The following PTPRB variants were observed in gnomAD, a reference collection of about 807,000 sequenced individuals.
PTPRB encodes receptor-type tyrosine-protein phosphatase beta.
PTPRB carries 97 observed loss-of-function variants against 238.1 expected under a neutral mutation model. The observed-to-expected ratio is 0.41, with a 90% CI of 0.35 to 0.48. The LOEUF is 0.48. Ranked by LOEUF, PTPRB falls within the 20% of genes least tolerant of loss-of-function variation. The probability of loss-of-function intolerance (pLI) is 0.30; values close to 1 mark genes in which losing one functional copy is unlikely to be tolerated. For synonymous variants in PTPRB, 970 were observed against 995.4 expected, an observed-to-expected ratio of 0.97 and a Z score of 0.48; for missense variants, 2,292 against 2,681.9, an observed-to-expected ratio of 0.85 and a Z score of 3.21.
At chr12:70,547,165 TC>T (rs1186816436) in intron 21 of PTPRB, among the ~76,000 whole-genome samples, 1 of 152,202 alleles carries the variant, frequency 6.6e-6, no homozygotes, top group Non-Finnish European at 1.5e-5. Context: ...CCGAGTGTAA[TC>T]CTGTAAAATG....
chr12:70,590,305 G>A lies in PTPRB; in HGVS notation c.1781-72C>T, dbSNP rs929281243. On this transcript the variant is annotated intron_variant, in intron 7 of 33. Coordinates refer to ENST00000334414, the MANE Select transcript of PTPRB (RefSeq NM_001109754.4). ...TAAGGATACTCATTTACTTTTCTTG[G>A]GCAGCAGTAGATAGGAGACACAATA... 24 of 1,423,804 alleles carry A rather than the reference G, an allele frequency of 1.7e-5. No individual in the cohort carries two copies. In the South Asian group the frequency reaches 3.4e-4, roughly 20 times the overall value. 88.2% of individuals were successfully genotyped at this position (1,423,804 alleles called of 1,614,324 possible).
In PTPRB at chr12:70,596,063, G is replaced by C. The variant is rs777300226; in HGVS notation, c.1244C>G (p.Thr415Ser). ...SGGKRSFSVY[T>S]NGSTVPSPVK... is the part of the protein sequence containing the mutation. Reference sequence around the variant, plus strand: ...ACAGGTCTTACCTGTTGATCCATTGGTATAAACTGAAAAAGAACGTTTTCC... The same window carrying C: ...ACAGGTCTTACCTGTTGATCCATTGCTATAAACTGAAAAAGAACGTTTTCC... Residue 415 changes from threonine (T) to serine (S), a missense_variant, in exon 5 of 34, where the codon ACC (threonine) becomes AGC (serine). This residue lies in a region of PTPRB where 1,205 missense variants were observed against 1,287.8 expected (regional missense o/e 0.94). Coordinates refer to ENST00000334414, the MANE Select transcript of PTPRB (RefSeq NM_001109754.4). 22 of 1,607,482 alleles carry C rather than the reference G, an allele frequency of 1.4e-5. No homozygotes were observed. The South Asian group carries it at 2.4e-4, about 18-fold the overall frequency.
In PTPRB at chr12:70,559,634, G is replaced by T; in HGVS notation, c.4433-10C>A. 1 of 1,594,220 alleles carries T rather than the reference G, an allele frequency of 6.3e-7. No individual in the cohort carries two copies. On this transcript the variant is annotated splice_polypyrimidine_tract_variant and intron_variant, in intron 17 of 33. Coordinates refer to ENST00000334414, the MANE Select transcript of PTPRB (RefSeq NM_001109754.4). ...CTGGGAGGACTTGGAGCTGAATGTA[G>T]GAGAAAGTGAAAAATCACATAATCA... is the stretch of plus-strand genomic sequence containing the variant.
Position 70,608,926 on chromosome 12 carries a change from A to G in PTPRB, c.979+143T>C. The G allele has an allele frequency of 1.6e-6, 2 of 1,216,652 alleles. 1 individual carries two copies. Among genetic ancestry groups the G allele is most frequent in the South Asian group, 3.0e-5 (2 of 65,856 alleles). 75.4% of individuals were successfully genotyped at this position (1,216,652 alleles called of 1,614,324 possible). On this transcript the variant is annotated intron_variant, in intron 4 of 33. Coordinates refer to ENST00000334414, the MANE Select transcript of PTPRB (RefSeq NM_001109754.4). ...GCTTCTGGCTAGATCCGAGGAAACC[A>G]GACATTTCTGTCAATATTTATCTTC...
intron 11 of PTPRB, 62 bp from the exon 12 acceptor site, chr12:70,572,149 A>G: frequency 7.0e-7 from 1 of 1,437,548 alleles, no homozygotes; most frequent in Non-Finnish European, 9.5e-7. Flanking sequence ...TTGATCACAG[A>G]TGACAAGCTG....
At chr12:70,636,884 G>A (rs940292301) in intron 1 of PTPRB, among the ~76,000 whole-genome samples, 1 of 152,084 alleles carries the variant, frequency 6.6e-6, no homozygotes, top group African/African-American at 2.4e-5. Flanking sequence ...TGCCCAGCTC[G>A]CTCATGAAAA....
Position 70,622,472 on chromosome 12 carries a change from T to A in PTPRB, c.626A>T (p.His209Leu). 1 of 1,613,526 alleles carries A rather than the reference T, an allele frequency of 6.2e-7. No individual in the cohort carries two copies. The highest frequency in any genetic ancestry group is 8.5e-7 in the Non-Finnish European group (1 of 1,179,708). Residue 209 changes from histidine (H) to leucine (L), a missense_variant, in exon 3 of 34, where the codon CAT (histidine) becomes CTT (leucine). His to Leu is a moderately conservative substitution (Grantham distance 99). This residue lies in a region of PTPRB where 1,205 missense variants were observed against 1,287.8 expected (regional missense o/e 0.94). Coordinates refer to ENST00000334414, the MANE Select transcript of PTPRB (RefSeq NM_001109754.4). ...NYSQNSSERQHPNLHMTGITD... is the reference protein window; with the variant it reads ...NYSQNSSERQLPNLHMTGITD... ...AATTCCAGTCATGTGCAGATTGGGA[T>A]GCTGCCTCTCGCTGCTGTTTTGGCT...
intron 3 of PTPRB, 101 bp from the exon 4 acceptor site, chr12:70,609,440 C>A: frequency 7.0e-7 from 1 of 1,430,886 alleles, no homozygotes; most frequent in Non-Finnish European, 9.4e-7. Flanking sequence ...CTCTACTTAT[C>A]CTTTGTCCCT....
intron 15 of PTPRB, among the ~76,000 whole-genome samples, chr12:70,564,154 T>G (rs1878900558): frequency 6.6e-6 from 1 of 152,186 alleles, no homozygotes; most frequent in African/African-American, 2.4e-5. Flanking sequence ...CTTTCTCATT[T>G]CTTTCAGATT....
chr12:70,570,829 C>T (rs1295787735), intron 13 of PTPRB, 197 bp downstream of exon 13: 9 of 657,720 alleles, frequency 1.4e-5, no homozygotes, highest in South Asian at 3.9e-5. Context: ...CCTCCAACCC[C>T]GCCACTCTCT....
chr12:70,530,550 GTATT>G (rs540124107), intron 32 of PTPRB, among the ~76,000 whole-genome samples: 77 of 152,192 alleles, frequency 5.1e-4, no homozygotes, highest in Admixed American at 1.2e-3. Context: ...AAGTATATGT[GTATT>G]TAAGGATGAG....
Position 70,636,053 on chromosome 12 carries a change from A to G in PTPRB, c.69T>C (p.Ile23=). The G allele has an allele frequency of 6.2e-7, 1 of 1,611,504 alleles. No homozygotes were observed. The highest frequency in any genetic ancestry group is 8.5e-7 in the Non-Finnish European group (1 of 1,178,508). The change falls in exon 2 of 34, where the codon ATT becomes ATC. Residue 23 remains isoleucine (I), a synonymous_variant. Transcript: ENST00000334414. ...LIFRNSEGFQ[I]VHVQKQQCLF... Reference sequence around the variant, plus strand: ...GACACTGTTGTTTCTGGACATGGACAATCTGAAACCCTTCTGGAAGATGAA... The same window carrying G: ...GACACTGTTGTTTCTGGACATGGACGATCTGAAACCCTTCTGGAAGATGAA...
At position 70,540,004 on chromosome 12, in the gene PTPRB, G is replaced by A. The variant is rs746380142; in HGVS notation, c.5613C>T (p.Pro1871=). Residue 1871 remains proline, a synonymous_variant, in exon 24 of 34, where the codon CCC becomes CCT. Transcript: ENST00000334414. ...CCCTACGAATGCTCAGACGGGCAGA[G>A]GGTCTTTCTCGACCATGGCTGAAAC... ...RQKVSHGRER[P]SARLSIRRDR... is the part of the protein sequence containing the mutation. 6.2e-7 allele frequency: 1 copy of A among 1,609,426 alleles called. No individual in the cohort carries two copies. The highest frequency in any genetic ancestry group is 8.5e-7 in the Non-Finnish European group (1 of 1,175,878).
chr12:70,538,258 C>T lies in PTPRB; in HGVS notation c.5870-27G>A, dbSNP rs764748771. On this transcript the variant is annotated intron_variant, in intron 27 of 33. Coordinates refer to ENST00000334414, the MANE Select transcript of PTPRB (RefSeq NM_001109754.4). ...TGGAAGGAGAGATTTGCTGCTGAGTCTTGGAGTGACTTTTCTACAGTTTAT... is the reference window on the plus strand; with the variant it reads ...TGGAAGGAGAGATTTGCTGCTGAGTTTTGGAGTGACTTTTCTACAGTTTAT... 30 of 1,591,812 alleles carry T rather than the reference C, an allele frequency of 1.9e-5. No homozygotes were observed. In the South Asian group the frequency reaches 3.4e-4, roughly 18 times the overall value.
At chr12:70,631,764 G>T (rs1005463449) in intron 2 of PTPRB, among the ~76,000 whole-genome samples, 1 of 152,130 alleles carries the variant, frequency 6.6e-6, no homozygotes, top group Non-Finnish European at 1.5e-5. Context: ...CAAAAAGTGG[G>T]CAAAGGATAT....
intron 8 of PTPRB, among the ~76,000 whole-genome samples, 161 bp downstream of exon 8, chr12:70,589,803 A>G (rs1007330786): frequency 6.6e-6 from 1 of 152,232 alleles, no homozygotes; most frequent in African/African-American, 2.4e-5. Context: ...TAATTTGACA[A>G]ATTAGGTGTT....
chr12:70,634,811 T>C lies in PTPRB; in HGVS notation c.451+860A>G, dbSNP rs116694224. On this transcript the variant is annotated intron_variant, in intron 2 of 33. Transcript: ENST00000334414. ...TGTCTTCTTAGTGAGGCGCTTCGTTTCTTGATAACTTTTCCCATGCTTTGT... is the reference window on the plus strand; with the variant it reads ...TGTCTTCTTAGTGAGGCGCTTCGTTCCTTGATAACTTTTCCCATGCTTTGT... Among the ~76,000 whole-genome samples the C allele has an allele frequency of 5.2e-3, 792 of 152,364 alleles. 5 individuals are homozygous for C. The highest frequency in any genetic ancestry group is 0.018 in the African/African-American group (764 of 41,584).
chr12:70,571,846 A>G lies in PTPRB; in HGVS notation c.3084T>C (p.Asn1028=), dbSNP rs1880091258. Residue 1028 remains asparagine, a synonymous_variant, in exon 12 of 34, where the codon AAT becomes AAC. Transcript: ENST00000334414. ...VTTKSGQYEA[N]EQGNGRTIPE... ...TACTTGTTCTCCCATTCCCTTGTTC[A>G]TTGGCTTCATATTGTCCACTTTTTG... The G allele has an allele frequency of 2.5e-6, 4 of 1,613,300 alleles. No homozygotes were observed. In the Admixed American group the frequency reaches 5.0e-5, roughly 20 times the overall value.
At position 70,521,421 on chromosome 12, in the gene PTPRB, T is replaced by C. The variant is rs528692377; in HGVS notation, c.*68A>G. 7.1e-5 allele frequency: 96 copies of C among 1,356,298 alleles called. No homozygotes were observed. The African/African-American group carries it at 1.3e-3, about 18-fold the overall frequency. 84.0% of individuals were successfully genotyped at this position (1,356,298 alleles called of 1,614,324 possible). A position where few individuals can be genotyped will look rare whatever the true frequency, so the allele number is the denominator to read the frequency against. ...AAATAGCTGGCACCTCTGTAGGGCATGAAGCAAGTTTTTAAAAACAAATCA... is the reference window on the plus strand; with the variant it reads ...AAATAGCTGGCACCTCTGTAGGGCACGAAGCAAGTTTTTAAAAACAAATCA... On this transcript the variant is annotated 3_prime_UTR_variant, in exon 34 of 34. Transcript: ENST00000334414.
Sources: allele counts gnomAD v4.1 joint callset (sites outside exome capture counted in the v4.1 genomes callset), GRCh38; gene constraint gnomAD v4.1.1; regional missense constraint gnomAD v4.1.1; transcripts MANE v1.5; gene names NCBI Gene and HGNC (gene_info 2026-07-23, HGNC 2026-07-21).